Variants in MAGI1 observed in about 807,000 individuals in gnomAD.
MAGI1 encodes the protein membrane-associated guanylate kinase, WW and PDZ domain-containing protein 1.
Under a neutral mutation model 139.9 loss-of-function variants are expected in MAGI1, and 58 were observed. That is an observed-to-expected ratio of 0.41 (90% confidence interval 0.34 to 0.52). The LOEUF (loss-of-function observed/expected upper bound fraction) is 0.52, where lower values mean the gene tolerates loss of function less well. Among genes scored for constraint, MAGI1 ranks in the 20% least tolerant of loss-of-function variants. The pLI, the probability that MAGI1 is intolerant of heterozygous loss-of-function variation, is 0.12. For missense variants in MAGI1, 1,874 were observed against 1,901.6 expected (o/e 0.99, Z 0.27); for synonymous variants, 812 against 737.9 (o/e 1.10, Z -1.63).
chr3:65,786,337 T>A (rs2039379343), intron 1 of MAGI1, among the ~76,000 whole-genome samples: 1 of 140,488 alleles, frequency 7.1e-6, no homozygotes, highest in Non-Finnish European at 1.5e-5. Flanking sequence ...CACACCAAAC[T>A]GAAGTGTCAC....
intron 2 of MAGI1, among the ~76,000 whole-genome samples, chr3:65,582,966 G>GTT (rs1559692198): frequency 6.6e-6 from 1 of 152,144 alleles, no homozygotes; most frequent in Non-Finnish European, 1.5e-5. Context: ...TTTAAGTTAC[G>GTT]TAATGTTAAA....
intron 2 of MAGI1, among the ~76,000 whole-genome samples, chr3:65,593,660 G>C (rs183757077): frequency 1.1e-4 from 16 of 152,254 alleles, no homozygotes; most frequent in African/African-American, 2.9e-4. Context: ...GAAACAGCCT[G>C]AACTTCATAA....
At position 65,508,101 on chromosome 3, in the gene MAGI1, C is replaced by G. The variant is rs193194520; in HGVS notation, c.431-14470G>C. 7.6e-3 allele frequency among the ~76,000 whole-genome samples: 1,149 copies of G among 152,110 alleles called. 13 individuals carry two copies. The highest frequency in any genetic ancestry group is 0.026 in the African/African-American group (1,095 of 41,524). ...ACGGTATTATCAGAAAAGTAGTGGC[C>G]AATTTTTAAAAAATAAAATCGGCCG... On this transcript the variant is annotated intron_variant, in intron 2 of 22. Transcript: ENST00000402939.
At chr3:65,405,455 G>A (rs79273019) in intron 12 of MAGI1, among the ~76,000 whole-genome samples, 5,362 of 152,210 alleles carry the variant, frequency 0.035, 141 homozygotes, top group Non-Finnish European at 0.048. Flanking sequence ...GGTTATGTGC[G>A]AAAACAGTAT....
chr3:65,530,811 AT>A (rs2078667731), intron 2 of MAGI1, among the ~76,000 whole-genome samples: 1 of 65,676 alleles, frequency 1.5e-5, no homozygotes, highest in Non-Finnish European at 3.0e-5. Flanking sequence ...ATATACACAC[AT>A]ATATATACAC....
intron 2 of MAGI1, among the ~76,000 whole-genome samples, chr3:65,567,735 C>T (rs999209764): frequency 1.3e-5 from 2 of 152,038 alleles, no homozygotes; most frequent in African/African-American, 4.8e-5. Context: ...ACTTGGGAGG[C>T]TGAGGAAGGT....
chr3:65,745,882 T>A (rs2035667814), intron 1 of MAGI1, among the ~76,000 whole-genome samples: 1 of 151,942 alleles, frequency 6.6e-6, no homozygotes, highest in African/African-American at 2.4e-5. Context: ...GTGTGCACTA[T>A]CATGCCCAGC....
chr3:65,820,425 A>C (rs1336129348), intron 1 of MAGI1, among the ~76,000 whole-genome samples: 1 of 152,092 alleles, frequency 6.6e-6, no homozygotes, highest in Non-Finnish European at 1.5e-5. Flanking sequence ...CCTCCATGTC[A>C]AGGGGCTGAT....
At chr3:65,474,120 C>T (rs973490600) in intron 4 of MAGI1, among the ~76,000 whole-genome samples, 1 of 152,040 alleles carries the variant, frequency 6.6e-6, no homozygotes, top group Non-Finnish European at 1.5e-5. Flanking sequence ...TAAAAATTAG[C>T]CGGGTGTAGT....
rs75953212 is a variant in MAGI1, at chr3:65,889,211, T to G, written c.313+148785A>C. ...GTTGACCTGGCTGATATAATGTCCA[T>G]GGGTCAGAGTGAGATGGCTGAATTA... On this transcript the variant is annotated intron_variant, in intron 1 of 22. Transcript: ENST00000402939. Among the ~76,000 whole-genome samples the G allele has an allele frequency of 4.6e-5, 7 of 152,320 alleles. No homozygotes were observed. In the East Asian group the frequency reaches 1.3e-3, roughly 29 times the overall value.
rs72626923 is a variant in MAGI1 at position 65,979,099 on chromosome 3, G to T, written c.313+58897C>A. 2.3e-4 allele frequency among the ~76,000 whole-genome samples: 6 copies of T among 26,270 alleles called. 1 individual carries two copies. Among genetic ancestry groups the T allele is most frequent in the Non-Finnish European group, 3.9e-4 (5 of 12,966 alleles). The allele number at this position is 26,270 out of a possible 152,430, so 17.2% of individuals were successfully genotyped here. ...TTTTTTTCTTTTCTTCCCCCCCCCC[G>T]CCACCCCCCACAGCTACTCACAGAG... On this transcript the variant is annotated intron_variant, in intron 1 of 22. Coordinates refer to ENST00000402939, the MANE Select transcript of MAGI1 (RefSeq NM_001033057.2).
Position 65,782,318 on chromosome 3 carries a change from GCT to G in MAGI1, c.314-160232_314-160231del, listed in dbSNP as rs1335370852. On this transcript the variant is annotated intron_variant, in intron 1 of 22. Transcript: ENST00000402939. ...CAGAAGGATACAACGTTGCTAGCAG[GCT>G]TTGAAGATGGAGGAAAGGAATGTCC... Among the ~76,000 whole-genome samples, 10 of 152,184 alleles carry G rather than the reference GCT, an allele frequency of 6.6e-5. No individual in the cohort carries two copies. The East Asian group carries it at 1.9e-3, about 29-fold the overall frequency.
At chr3:65,751,372 T>C (rs1213939421) in intron 1 of MAGI1, among the ~76,000 whole-genome samples, 3 of 152,166 alleles carry the variant, frequency 2.0e-5, no homozygotes, top group South Asian at 2.1e-4. Context: ...AGCATTCCCA[T>C]TGTGTGGCAG....
chr3:65,794,640 G>C (rs926903038), intron 1 of MAGI1, among the ~76,000 whole-genome samples: 1 of 151,932 alleles, frequency 6.6e-6, no homozygotes, highest in Non-Finnish European at 1.5e-5. Flanking sequence ...GAGCCTAGGG[G>C]ACCTGCCTCA....
At chr3:65,470,521 G>GAAA in intron 4 of MAGI1, 37 bp from the exon 5 acceptor site, 2 of 1,137,660 alleles carry the variant, frequency 1.8e-6, no homozygotes, top group South Asian at 1.6e-5. Flanking sequence ...GAGAGAGAGA[G>GAAA]AGAAAAAAAA....
At chr3:65,844,070 CA>C in intron 1 of MAGI1, 1 of 460,326 alleles carries the variant, frequency 2.2e-6, no homozygotes, top group Middle Eastern at 8.0e-4. Context: ...TGTGCCATTC[CA>C]AAGCTACAAC....
At chr3:66,027,312 A>ATAAT (rs1444220594) in intron 1 of MAGI1, among the ~76,000 whole-genome samples, 6 of 125,468 alleles carry the variant, frequency 4.8e-5, no homozygotes, top group Non-Finnish European at 1.1e-4. Context: ...AAATAAATAA[A>ATAAT]TAATAAAAAA....
rs1421289463 is a variant in MAGI1 at position 65,356,410 on chromosome 3, A to C, written c.4357T>G (p.Tyr1453Asp). The C allele has an allele frequency of 6.2e-7, 1 of 1,602,990 alleles. No individual in the cohort carries two copies. The highest frequency in any genetic ancestry group is 8.5e-7 in the Non-Finnish European group (1 of 1,176,694). The change falls in exon 23 of 23, where the codon TAC (tyrosine) becomes GAC (aspartate). Residue 1453 changes from tyrosine to aspartate, a missense_variant. Physicochemically the swap from Tyr to Asp is radical, Grantham distance 160. Transcript: ENST00000402939. Reference protein sequence around the residue: ...RHPPEQRRRPYKECSTDLSI With the variant: ...RHPPEQRRRPDKECSTDLSI ...CTGAGGTCGGTGCTACATTCTTTGT[A>C]AGGTCGCCTTCTCTGCTCCGGGGGA...
chr3:66,014,404 A>G (rs548978015), intron 1 of MAGI1, among the ~76,000 whole-genome samples: 1 of 152,248 alleles, frequency 6.6e-6, no homozygotes, highest in African/African-American at 2.4e-5. Flanking sequence ...TTACTTTTTT[A>G]TTTAATATAT....
Sources: allele counts gnomAD v4.1 joint callset (sites outside exome capture counted in the v4.1 genomes callset), GRCh38; gene constraint gnomAD v4.1.1; transcripts MANE v1.5; gene names NCBI Gene and HGNC (gene_info 2026-07-23, HGNC 2026-07-21).